The following GRM5 variants were observed in gnomAD, a reference collection of about 807,000 sequenced individuals.
GRM5 encodes the protein metabotropic glutamate receptor 5.
Under a neutral mutation model 83.1 loss-of-function variants are expected in GRM5, and 19 were observed. The observed-to-expected ratio is 0.23, with a 90% CI of 0.16 to 0.34. The LOEUF is 0.34. Among genes scored for constraint, GRM5 ranks in the 10% least tolerant of loss-of-function variants. The pLI, the probability that GRM5 is intolerant of heterozygous loss-of-function variation, is 1.00. For synonymous variants in GRM5, 675 were observed against 633.6 expected, an observed-to-expected ratio of 1.07 and a Z score of -0.98; for missense variants, 1,160 against 1,588.3, an observed-to-expected ratio of 0.73 and a Z score of 4.58.
chr11:88,762,556 A>C (rs1942545000), intron 3 of GRM5, among the ~76,000 whole-genome samples: 1 of 151,966 alleles, frequency 6.6e-6, no homozygotes, highest in Non-Finnish European at 1.5e-5. Context: ...TCCTTAGAAA[A>C]GGGGAAACTT....
intron 4 of GRM5, among the ~76,000 whole-genome samples, chr11:88,635,783 CAT>C (rs1223200366): frequency 6.6e-6 from 1 of 152,108 alleles, no homozygotes; most frequent in East Asian, 1.9e-4. Flanking sequence ...GAAGATTTTC[CAT>C]ATGTTTTCTT....
rs1397987383 is a variant in GRM5 at position 88,781,230 on chromosome 11, G to C, written c.911+68676C>G. Among the ~76,000 whole-genome samples the C allele has an allele frequency of 2.6e-5, 4 of 151,726 alleles. No homozygotes were observed. In the East Asian group the frequency reaches 7.7e-4, roughly 29 times the overall value. On this transcript the variant is annotated intron_variant, in intron 3 of 9. Coordinates refer to ENST00000305447, the MANE Select transcript of GRM5 (RefSeq NM_001143831.3). ...AGGAAGTGTTTAAGAAAATAAGAAT[G>C]AAGGGAAAGAGAAAATTCAACATCT...
At position 88,953,148 on chromosome 11, in the gene GRM5, G is replaced by A. The variant is rs140934468; in HGVS notation, c.661+94064C>T. Among the ~76,000 whole-genome samples the A allele has an allele frequency of 6.8e-3, 1,030 of 152,274 alleles. 13 individuals carry two copies. Among genetic ancestry groups the A allele is most frequent in the African/African-American group, 0.024 (985 of 41,560 alleles). ...ATCAAATTTATTGCAGCCTATTACA[G>A]TACCTTGCAATTTGTAAGACTCGTG... On this transcript the variant is annotated intron_variant, in intron 2 of 9. Coordinates refer to ENST00000305447, the MANE Select transcript of GRM5 (RefSeq NM_001143831.3).
chr11:88,632,432 CT>C (rs1417154925), intron 4 of GRM5, among the ~76,000 whole-genome samples: 2 of 152,024 alleles, frequency 1.3e-5, no homozygotes, highest in African/African-American at 2.4e-5. Context: ...CGGGGTCTCC[CT>C]ATGTTACCCA....
At chr11:88,722,214 A>G (rs1941559059) in intron 3 of GRM5, among the ~76,000 whole-genome samples, 1 of 151,682 alleles carries the variant, frequency 6.6e-6, no homozygotes, top group Non-Finnish European at 1.5e-5. Context: ...CCTTTACTGG[A>G]GGGTGGAATA....
In GRM5 at chr11:88,968,079, TGAA is replaced by T. The variant is rs1185484928; in HGVS notation, c.661+79130_661+79132del. ...AGATTTAGGACTGCTAAAAATTTAA[TGAA>T]GAATTTTATGTGAAAAAGCCCAATT... On this transcript the variant is annotated intron_variant, in intron 2 of 9. Transcript: ENST00000305447. 2.0e-5 allele frequency among the ~76,000 whole-genome samples: 3 copies of T among 152,072 alleles called. No individual in the cohort carries two copies. In the East Asian group the frequency reaches 5.8e-4, roughly 29 times the overall value.
chr11:88,568,617 G>A (rs540948364), intron 7 of GRM5, among the ~76,000 whole-genome samples: 1 of 152,264 alleles, frequency 6.6e-6, no homozygotes, highest in Admixed American at 6.5e-5. Context: ...ATTTGTGTGT[G>A]CGTGTGTGTT....
intron 4 of GRM5, among the ~76,000 whole-genome samples, chr11:88,616,603 G>A (rs1938493320): frequency 6.6e-6 from 1 of 151,970 alleles, no homozygotes; most frequent in African/African-American, 2.4e-5. Context: ...ATGTACTAAT[G>A]GATAGGATGT....
chr11:88,671,326 C>T (rs1215516005), intron 3 of GRM5, among the ~76,000 whole-genome samples: 1 of 152,018 alleles, frequency 6.6e-6, no homozygotes, highest in Non-Finnish European at 1.5e-5. Flanking sequence ...AGTTTGCTTA[C>T]CCTAAAACCA....
chr11:88,641,762 G>A lies in GRM5; in HGVS notation c.1147+11406C>T, dbSNP rs374020567. 2.6e-5 allele frequency among the ~76,000 whole-genome samples: 4 copies of A among 152,322 alleles called. No individual in the cohort carries two copies. In the South Asian group the frequency reaches 6.2e-4, roughly 24 times the overall value. ...TGTCCCACTTCTAGGGCATGTGGGT[G>A]CAAGGGGTGGGCTCCCACGGCCTTG... is the stretch of plus-strand genomic sequence containing the variant. On this transcript the variant is annotated intron_variant, in intron 4 of 9. Transcript: ENST00000305447.
intron 4 of GRM5, among the ~76,000 whole-genome samples, chr11:88,639,744 C>T (rs1406525561): frequency 1.3e-5 from 2 of 152,050 alleles, no homozygotes; most frequent in Non-Finnish European, 2.9e-5. Context: ...CCTGCCACCA[C>T]GCCCAGCTAA....
At chr11:88,960,054 T>A (rs1169070104) in intron 2 of GRM5, among the ~76,000 whole-genome samples, 2 of 152,172 alleles carry the variant, frequency 1.3e-5, no homozygotes, top group African/African-American at 4.8e-5. Context: ...GGGTAAAGCA[T>A]GTTCTCAGCG....
intron 4 of GRM5, among the ~76,000 whole-genome samples, chr11:88,626,861 C>T (rs1382534696): frequency 6.6e-6 from 1 of 152,150 alleles, no homozygotes; most frequent in African/African-American, 2.4e-5. Context: ...TCCCTTTCTG[C>T]CAAGTGTGGA....
At chr11:88,956,438 G>A (rs1446124834) in intron 2 of GRM5, among the ~76,000 whole-genome samples, 2 of 152,198 alleles carry the variant, frequency 1.3e-5, no homozygotes, top group Non-Finnish European at 2.9e-5. Flanking sequence ...GCTAGAGATT[G>A]AATACAAATA....
At chr11:88,874,801 T>G (rs1944823405) in intron 2 of GRM5, among the ~76,000 whole-genome samples, 1 of 151,970 alleles carries the variant, frequency 6.6e-6, no homozygotes, top group Admixed American at 6.6e-5. Context: ...AGTCACAAAA[T>G]TTTTTGCTTT....
At chr11:88,951,556 G>A (rs968579954) in intron 2 of GRM5, among the ~76,000 whole-genome samples, 3 of 152,290 alleles carry the variant, frequency 2.0e-5, no homozygotes, top group South Asian at 2.1e-4. Flanking sequence ...ATTCCCTTGG[G>A]TTGACAGTTC....
intron 2 of GRM5, among the ~76,000 whole-genome samples, chr11:88,940,127 C>T (rs1938040130): frequency 6.6e-6 from 1 of 151,872 alleles, no homozygotes; most frequent in South Asian, 2.1e-4. Context: ...AATACGCCTG[C>T]CCAAATGAAT....
At chr11:88,553,188 G>C (rs1162323909) in intron 8 of GRM5, among the ~76,000 whole-genome samples, 3 of 152,118 alleles carry the variant, frequency 2.0e-5, no homozygotes, top group Non-Finnish European at 4.4e-5. Flanking sequence ...GTTTTTATTA[G>C]TTAATCAATC....
intron 2 of GRM5, among the ~76,000 whole-genome samples, chr11:88,941,884 C>T (rs1171239529): frequency 1.3e-5 from 2 of 151,824 alleles, no homozygotes; most frequent in African/African-American, 2.4e-5. Flanking sequence ...AGAAGATAGG[C>T]CTTTCTATAC....
Sources: gnomAD v4.1 joint callset for allele counts (sites outside exome capture counted in the v4.1 genomes callset) on GRCh38, gnomAD v4.1.1 for gene constraint, MANE v1.5 for transcripts, NCBI Gene and HGNC (gene_info 2026-07-23, HGNC 2026-07-21) for gene names.